The following LPIN1 variants were observed in gnomAD, a reference collection of about 807,000 sequenced individuals.
LPIN1 encodes the protein phosphatidate phosphatase LPIN1.
A neutral mutation model predicts 107.5 loss-of-function variants in LPIN1; 71 were observed. The ratio of observed to expected loss-of-function variants is 0.66; its 90% CI spans 0.55 to 0.80. The LOEUF is 0.80. Among genes scored for constraint, LPIN1 ranks in the 30% least tolerant of loss-of-function variants. The probability of loss-of-function intolerance (pLI) is 0.00; values close to 1 mark genes in which losing one functional copy is unlikely to be tolerated. For missense variants in LPIN1, 1,043 were observed against 1,160.6 expected (o/e 0.90, Z 1.47); for synonymous variants, 445 against 452.6 (o/e 0.98, Z 0.21).
intron 1 of LPIN1, among the ~76,000 whole-genome samples, chr2:11,727,442 G>A (rs1468582836): frequency 2.6e-5 from 4 of 152,056 alleles, no homozygotes; most frequent in Non-Finnish European, 5.9e-5. Context: ...GGCTCATGTG[G>A]CATTTTGTCT....
chr2:11,688,278 C>T (rs990447371), intron 1 of LPIN1, among the ~76,000 whole-genome samples: 1 of 152,180 alleles, frequency 6.6e-6, no homozygotes, highest in Admixed American at 6.5e-5. Flanking sequence ...CACCTCCTTG[C>T]CAGCTCCACC....
intron 1 of LPIN1, among the ~76,000 whole-genome samples, chr2:11,749,062 C>T (rs1314117454): frequency 6.6e-6 from 1 of 152,166 alleles, no homozygotes; most frequent in African/African-American, 2.4e-5. Flanking sequence ...ACAATTTTGA[C>T]ACTTTATTGA....
intron 14 of LPIN1, among the ~76,000 whole-genome samples, chr2:11,796,932 T>A (rs974458035): frequency 1.3e-5 from 2 of 152,204 alleles, no homozygotes; most frequent in African/African-American, 4.8e-5. Flanking sequence ...CATTGGACCT[T>A]GGGGAAGCTC....
At chr2:11,755,582 T>C (rs1668548273) in intron 1 of LPIN1, among the ~76,000 whole-genome samples, 2 of 152,052 alleles carry the variant, frequency 1.3e-5, no homozygotes, top group South Asian at 4.1e-4. Flanking sequence ...GAGGAGAAGG[T>C]TGAGGCTGAA....
At chr2:11,691,080 T>G (rs938592042) in intron 1 of LPIN1, among the ~76,000 whole-genome samples, 68 of 126,028 alleles carry the variant, frequency 5.4e-4, no homozygotes, top group African/African-American at 2.1e-3. Flanking sequence ...AAAATCTTGT[T>G]GTGGTTTTTT....
intron 10 of LPIN1, among the ~76,000 whole-genome samples, chr2:11,785,284 G>T (rs1038822026): frequency 6.6e-6 from 1 of 152,252 alleles, no homozygotes; most frequent in African/African-American, 2.4e-5. Context: ...CATGGCTCGG[G>T]CCATCGTTGT....
chr2:11,806,579 A>T (rs1678725377), intron 17 of LPIN1, among the ~76,000 whole-genome samples: 1 of 152,192 alleles, frequency 6.6e-6, no homozygotes, highest in South Asian at 2.1e-4. Flanking sequence ...CTCTAAAAAA[A>T]TAAGTATGTA....
intron 1 of LPIN1, among the ~76,000 whole-genome samples, chr2:11,701,022 C>T (rs1247639534): frequency 1.3e-5 from 2 of 152,182 alleles, no homozygotes; most frequent in Non-Finnish European, 2.9e-5. Flanking sequence ...CTTCCTTGGC[C>T]CTGCTCCCCC....
upstream of LPIN1, chr2:11,742,252 A>G (rs1666440018): frequency 6.6e-6 from 1 of 152,156 alleles, no homozygotes; most frequent in African/African-American, 2.4e-5. Flanking sequence ...TCAGATTCTA[A>G]TACCGTATTT....
intron 1 of LPIN1, among the ~76,000 whole-genome samples, chr2:11,729,366 C>A (rs560981985): frequency 6.6e-6 from 1 of 152,300 alleles, no homozygotes; most frequent in East Asian, 1.9e-4. Context: ...ACTTATAACA[C>A]TTTATGTAAA....
chr2:11,804,300 A>T, intron 15 of LPIN1, 123 bp from the exon 16 acceptor site: 1 of 1,022,996 alleles, frequency 9.8e-7, no homozygotes, highest in African/African-American at 1.6e-5. Flanking sequence ...GAATTATACA[A>T]GGGCCCAGGG....
intron 1 of LPIN1, among the ~76,000 whole-genome samples, chr2:11,727,859 T>A (rs1664811771): frequency 6.6e-6 from 1 of 152,220 alleles, no homozygotes; most frequent in Non-Finnish European, 1.5e-5. Flanking sequence ...CAGTTCCACA[T>A]CCATGGATTC....
chr2:11,794,524 A>T (rs1400883378), intron 13 of LPIN1, among the ~76,000 whole-genome samples: 9 of 152,226 alleles, frequency 5.9e-5, no homozygotes, highest in Admixed American at 5.9e-4. Flanking sequence ...AACCTAAAGG[A>T]TATTTGAACT....
chr2:11,700,817 C>T (rs996229837), intron 1 of LPIN1, among the ~76,000 whole-genome samples: 10 of 152,212 alleles, frequency 6.6e-5, no homozygotes, highest in Non-Finnish European at 1.0e-4. Flanking sequence ...GATTCGTCCT[C>T]GCTCTGTGGC....
At chr2:11,735,895 A>C (rs1043451153) in intron 1 of LPIN1, among the ~76,000 whole-genome samples, 1 of 152,262 alleles carries the variant, frequency 6.6e-6, no homozygotes, top group Non-Finnish European at 1.5e-5. Flanking sequence ...TCAAAGGTCT[A>C]TCTGCTGAGG....
Position 11,824,949 on chromosome 2 carries a change from C to A in LPIN1, c.*158C>A. 2 of 785,584 alleles carry A rather than the reference C, an allele frequency of 2.5e-6. No homozygotes were observed. The highest frequency in any genetic ancestry group is 1.7e-5 in the South Asian group (1 of 58,918). 48.7% of individuals were successfully genotyped at this position (785,584 alleles called of 1,614,324 possible). ...AGAAGCATTTCTCCCCTGCCCCACC[C>A]CGGGGCTGACATTTCTAAGCAAGAT... On this transcript the variant is annotated 3_prime_UTR_variant, in exon 21 of 21. Transcript: ENST00000674199.
At chr2:11,752,577 G>A (rs1415278974) in intron 1 of LPIN1, among the ~76,000 whole-genome samples, 2 of 148,972 alleles carry the variant, frequency 1.3e-5, no homozygotes, top group East Asian at 1.9e-4. Flanking sequence ...GACTACAGGC[G>A]CCCGCCACTA....
intron 1 of LPIN1, among the ~76,000 whole-genome samples, chr2:11,694,472 C>A (rs1662470840): frequency 6.6e-6 from 1 of 152,212 alleles, no homozygotes; most frequent in African/African-American, 2.4e-5. Context: ...CACTTCCGTG[C>A]CCTCTGAACT....
chr2:11,770,842 A>T (rs1442333666), intron 3 of LPIN1, among the ~76,000 whole-genome samples: 1 of 152,178 alleles, frequency 6.6e-6, no homozygotes, highest in Non-Finnish European at 1.5e-5. Context: ...GCCCTGGTGC[A>T]GGCAGGTTCT....
Sources: allele counts gnomAD v4.1 joint callset (sites outside exome capture counted in the v4.1 genomes callset), GRCh38; gene constraint gnomAD v4.1.1; transcripts MANE v1.5; gene names NCBI Gene and HGNC (gene_info 2026-07-23, HGNC 2026-07-21).